Variants in CENPM observed in about 807,000 individuals in gnomAD.
CENPM encodes the protein centromere protein M.
In CENPM, 14 loss-of-function variants were observed where a neutral mutation model predicts 19.6. That is an observed-to-expected ratio of 0.71 (90% CI 0.47 to 1.11). CENPM has a LOEUF of 1.11. Ranked by LOEUF, CENPM falls within the 50% of genes most tolerant of loss-of-function variation. CENPM has a pLI of 0.00. For synonymous variants in CENPM, 114 were observed against 101.5 expected, an observed-to-expected ratio of 1.12 and a Z score of -0.74; for missense variants, 239 against 228.4, an observed-to-expected ratio of 1.05 and a Z score of -0.30.
At chr22:41,934,350 G>A (rs1035642077), downstream of CENPM, among the ~76,000 whole-genome samples, 2 of 152,202 alleles carry the variant, frequency 1.3e-5, no homozygotes, top group African/African-American at 2.4e-5. Flanking sequence ...GGGGACAAAT[G>A]AGTGTGTGAC....
At chr22:41,945,821 C>T in intron 3 of CENPM, 92 bp downstream of exon 3, 1 of 1,008,220 alleles carries the variant, frequency 9.9e-7, no homozygotes, top group Non-Finnish European at 1.5e-6. Context: ...CTCCCATCCT[C>T]ACCACTTCCC....
downstream of CENPM, among the ~76,000 whole-genome samples, chr22:41,935,153 T>C (rs151023921): frequency 2.3e-3 from 344 of 152,308 alleles, 1 homozygote; most frequent in Non-Finnish European, 3.8e-3. Context: ...AGCACTGTGT[T>C]CCCCAGTGCT....
In CENPM at chr22:41,938,977, G is replaced by A; in HGVS notation, c.*79C>T. 1 of 1,552,236 alleles carries A rather than the reference G, an allele frequency of 6.4e-7. No homozygotes were observed. Among genetic ancestry groups the A allele is most frequent in the Non-Finnish European group, 8.8e-7 (1 of 1,141,380 alleles). On this transcript the variant is annotated 3_prime_UTR_variant, in exon 6 of 6. Coordinates refer to ENST00000215980, the MANE Select transcript of CENPM (RefSeq NM_024053.5). Reference sequence around the variant, plus strand: ...GCTGAGCCTGGGCCTGTCAAGCCCTGACTGGACATCCTCAACAGAGAATGT... The same window carrying A: ...GCTGAGCCTGGGCCTGTCAAGCCCTAACTGGACATCCTCAACAGAGAATGT...
chr22:41,935,673 C>A (rs1391131289), downstream of CENPM, among the ~76,000 whole-genome samples: 1 of 152,196 alleles, frequency 6.6e-6, no homozygotes, highest in African/African-American at 2.4e-5. Flanking sequence ...AGGCCCAGAG[C>A]CTGCACCACT....
Position 41,946,446 on chromosome 22 carries a change from G to GC in CENPM, c.107_108insG (p.Lys37GlnfsTer28), listed in dbSNP as rs1569428846. The GC allele has an allele frequency of 5.6e-6, 9 of 1,612,930 alleles. No homozygotes were observed. In the African/African-American group the frequency reaches 1.2e-4, roughly 22 times the overall value. ...TCAGCTCGGAGGCGCAGTCCTCTTT[G>GC]AGCATCGAGTCCGCCAGCTGCTGCA... On this transcript the variant is annotated frameshift_variant, in exon 2 of 6. Transcript: ENST00000215980. LOFTEE classifies it high-confidence loss of function.
At chr22:41,937,382 G>A (rs1284840666), downstream of CENPM, among the ~76,000 whole-genome samples, 1 of 152,102 alleles carries the variant, frequency 6.6e-6, no homozygotes, top group East Asian at 1.9e-4. Context: ...TGCAACCTCC[G>A]CCTCCTGGGT....
At chr22:41,942,201 G>A (rs1436595088) in intron 5 of CENPM, among the ~76,000 whole-genome samples, 2 of 152,232 alleles carry the variant, frequency 1.3e-5, no homozygotes, top group Non-Finnish European at 2.9e-5. Context: ...AGCAGGCCTG[G>A]CACATGGGTG....
At position 41,943,719 on chromosome 22, in the gene CENPM, G is replaced by T; in HGVS notation, c.311-18C>A. 1.2e-6 allele frequency: 2 copies of T among 1,608,542 alleles called. No homozygotes were observed. Among genetic ancestry groups the T allele is most frequent in the Non-Finnish European group, 8.5e-7 (1 of 1,176,018 alleles). Reference sequence around the variant, plus strand: ...CCGCCCAGCTGGAAAGAAGCCATGAGTGCTATAGCTGCAATCTCTACCTTC... The same window carrying T: ...CCGCCCAGCTGGAAAGAAGCCATGATTGCTATAGCTGCAATCTCTACCTTC... On this transcript the variant is annotated intron_variant, in intron 4 of 5. Coordinates refer to ENST00000215980, the MANE Select transcript of CENPM (RefSeq NM_024053.5).
At chr22:41,930,376 C>T in the CENPM span, among the ~76,000 whole-genome samples, 29 of 152,082 alleles carry the variant, frequency 1.9e-4, no homozygotes, top group African/African-American at 5.5e-4. Flanking sequence ...ACTACAGGCA[C>T]GGGCCACCAT....
At chr22:41,937,138 AC>A (rs1359562634), downstream of CENPM, among the ~76,000 whole-genome samples, 1 of 152,178 alleles carries the variant, frequency 6.6e-6, no homozygotes, top group African/African-American at 2.4e-5. Context: ...TGATGCCTCT[AC>A]AATCTCCAAT....
chr22:41,945,446 AATT>A, intron 3 of CENPM, 142 bp from the exon 4 acceptor site: 2 of 1,332,982 alleles, frequency 1.5e-6, no homozygotes, highest in South Asian at 1.7e-5. Flanking sequence ...TTTGTCCTTT[AATT>A]TTTTTTTTTT....
chr22:41,927,762 G>A, the CENPM span, among the ~76,000 whole-genome samples: 1 of 152,148 alleles, frequency 6.6e-6, no homozygotes, highest in African/African-American at 2.4e-5. Context: ...GCCTCCCAAA[G>A]TGCTGGGATT....
At position 41,938,838 on chromosome 22, in the gene CENPM, G is replaced by C. The variant is rs893426473; in HGVS notation, c.*218C>G. The C allele has an allele frequency of 1.7e-5, 9 of 524,520 alleles. No homozygotes were observed. The highest frequency in any genetic ancestry group is 3.0e-5 in the Non-Finnish European group (9 of 296,006). 32.5% of individuals were successfully genotyped at this position (524,520 alleles called of 1,614,324 possible). On this transcript the variant is annotated 3_prime_UTR_variant, in exon 6 of 6. Transcript: ENST00000215980. ...TTAAAGACACAGGCTCTGCAAGAGT[G>C]AGTGTGGGAGTGGGAGGGGGCTACA...
intron 1 of CENPM, chr22:41,946,722 C>T (rs2077808823): frequency 1.7e-6 from 1 of 594,216 alleles, no homozygotes; most frequent in Non-Finnish European, 3.0e-6. Flanking sequence ...ACCCTCGCTC[C>T]CACCGCCGGC....
the CENPM span, among the ~76,000 whole-genome samples, chr22:41,933,628 C>T: frequency 9.4e-3 from 1,428 of 152,240 alleles, 34 homozygotes; most frequent in African/African-American, 0.032. Context: ...AGGTGGGACC[C>T]GCAGACTTAG....
At chr22:41,931,404 C>T in the CENPM span, among the ~76,000 whole-genome samples, 1 of 151,560 alleles carries the variant, frequency 6.6e-6, no homozygotes, top group East Asian at 1.9e-4. Context: ...TGTTTGAACC[C>T]GGAAGCCAGA....
chr22:41,941,919 A>G (rs1225781469), intron 5 of CENPM, among the ~76,000 whole-genome samples: 2 of 152,180 alleles, frequency 1.3e-5, no homozygotes, highest in African/African-American at 4.8e-5. Context: ...TCCTAATGTG[A>G]TATGAAAACA....
chr22:41,946,988 CCGG>C, intron 1 of CENPM, 29 bp downstream of exon 1: 1 of 1,610,536 alleles, frequency 6.2e-7, no homozygotes, highest in South Asian at 1.1e-5. Context: ...GGAGGAAAAA[CCGG>C]CGGGGGAAGC....
At chr22:41,935,723 T>G (rs547123373), downstream of CENPM, among the ~76,000 whole-genome samples, 46 of 152,320 alleles carry the variant, frequency 3.0e-4, 1 homozygote, top group South Asian at 5.6e-3. Context: ...GGGCCTATCC[T>G]GCCACCCCCT....
Sources: gnomAD v4.1 joint callset for allele counts (sites outside exome capture counted in the v4.1 genomes callset) on GRCh38, gnomAD v4.1.1 for gene constraint, MANE v1.5 for transcripts, NCBI Gene and HGNC (gene_info 2026-07-23, HGNC 2026-07-21) for gene names.